CAST: variants seen among roughly 807,000 people sequenced by gnomAD.
CAST encodes the protein MIR583 host.
CAST carries 76 observed loss-of-function variants against 119.6 expected under a neutral mutation model. The ratio of observed to expected loss-of-function variants is 0.64; its 90% CI spans 0.53 to 0.77. The LOEUF (loss-of-function observed/expected upper bound fraction) is 0.77, where lower values mean the gene tolerates loss of function less well. CAST is among the 30% of genes least tolerant of loss of function. The probability of loss-of-function intolerance (pLI) is 0.00; values close to 1 mark genes in which losing one functional copy is unlikely to be tolerated. For missense variants in CAST, 953 were observed against 946.5 expected (o/e 1.01, Z -0.09); for synonymous variants, 319 against 331.6 (o/e 0.96, Z 0.41).
At chr5:96,656,962 C>G (rs1244622965) in intron 1 of CAST, among the ~76,000 whole-genome samples, 1 of 151,848 alleles carries the variant, frequency 6.6e-6, no homozygotes, top group Non-Finnish European at 1.5e-5. Context: ...AACACTGTGG[C>G]TTGCAGGCAA....
chr5:96,525,922 C>CTAGTGATAGTGT (rs1745591554), upstream of CAST, among the ~76,000 whole-genome samples: 1 of 152,166 alleles, frequency 6.6e-6, no homozygotes, highest in African/African-American at 2.4e-5. Context: ...ATAGTTCCTT[C>CTAGTGATAGTGT]CAGAGGGAAC....
At chr5:96,679,248 T>C (rs1343929359) in intron 2 of CAST, 1 of 152,200 alleles carries the variant, frequency 6.6e-6, no homozygotes, top group East Asian at 1.9e-4. Flanking sequence ...GTAAGGTAAG[T>C]GTCTGAGAGA....
chr5:96,240,876 C>A, the CAST span, among the ~76,000 whole-genome samples: 1 of 150,220 alleles, frequency 6.7e-6, no homozygotes, highest in Non-Finnish European at 1.5e-5. Context: ...GGATTGAAAA[C>A]CATATAAATG....
chr5:96,737,820 C>T (rs1260846886), intron 10 of CAST, 29 bp from the exon 11 acceptor site: 2 of 1,269,412 alleles, frequency 1.6e-6, no homozygotes, highest in Admixed American at 1.9e-5. Context: ...TAACAAATAA[C>T]ATTTAAATAT....
chr5:95,981,430 A>G, the CAST span, among the ~76,000 whole-genome samples: 3 of 152,200 alleles, frequency 2.0e-5, no homozygotes, highest in Non-Finnish European at 4.4e-5. Context: ...TTGTATAACA[A>G]TGCTTCTAAA....
chr5:96,773,501 T>C lies in CAST; in HGVS notation c.*885T>C, dbSNP rs17402704. ...ATAAAACCTGAGCAGCAACTGTGTC[T>C]TTAGAGCTATTGCCACATTAGCCTT... On this transcript the variant is annotated 3_prime_UTR_variant, in exon 32 of 32. Coordinates refer to ENST00000675179, the MANE Select transcript of CAST (RefSeq NM_001750.7). 13,782 of 152,374 alleles carry C rather than the reference T, an allele frequency of 0.09. 819 individuals are homozygous for C. The highest frequency in any genetic ancestry group is 0.16 in the Middle Eastern group (47 of 294). The allele number at this position is 152,374 out of a possible 1,614,324, so 9.4% of individuals were successfully genotyped here.
chr5:96,160,881 G>A, the CAST span, among the ~76,000 whole-genome samples: 1 of 152,144 alleles, frequency 6.6e-6, no homozygotes, highest in African/African-American at 2.4e-5. Context: ...CATTTTGTAT[G>A]TGCTTATTGG....
the CAST span, among the ~76,000 whole-genome samples, chr5:96,118,058 T>A: frequency 6.6e-6 from 1 of 152,228 alleles, no homozygotes; most frequent in East Asian, 1.9e-4. Context: ...ATACGTTTGC[T>A]GTAGTTGGAA....
At chr5:96,215,903 G>A in the CAST span, among the ~76,000 whole-genome samples, 8 of 152,226 alleles carry the variant, frequency 5.3e-5, no homozygotes, top group South Asian at 1.5e-3. Context: ...TGCCTCTCGG[G>A]TACAAGTGAT....
chr5:96,180,226 C>T, the CAST span, among the ~76,000 whole-genome samples: 2 of 152,138 alleles, frequency 1.3e-5, no homozygotes, highest in African/African-American at 4.8e-5. Flanking sequence ...ATCTTATACA[C>T]TTACATTTAA....
the CAST span, among the ~76,000 whole-genome samples, chr5:96,166,250 T>G: frequency 6.6e-6 from 1 of 152,250 alleles, no homozygotes; most frequent in African/African-American, 2.4e-5. Context: ...AAGTAGGTAG[T>G]ACCTTTATTT....
the CAST span, among the ~76,000 whole-genome samples, chr5:96,500,566 C>T: frequency 6.6e-6 from 1 of 152,126 alleles, no homozygotes; most frequent in Non-Finnish European, 1.5e-5. Context: ...TCTTCAAGCT[C>T]GTTCCCTTAT....
At chr5:96,158,761 G>C in the CAST span, among the ~76,000 whole-genome samples, 2 of 152,198 alleles carry the variant, frequency 1.3e-5, no homozygotes, top group Non-Finnish European at 2.9e-5. Context: ...AACACAAGGG[G>C]AGATTTCCCA....
the CAST span, among the ~76,000 whole-genome samples, chr5:96,464,534 G>A: frequency 1.3e-5 from 2 of 152,062 alleles, no homozygotes; most frequent in Admixed American, 1.3e-4. Context: ...AGGTCAAGGA[G>A]CATTTAGCCA....
the CAST span, among the ~76,000 whole-genome samples, chr5:96,173,988 C>A: frequency 1.3e-5 from 2 of 152,236 alleles, no homozygotes; most frequent in South Asian, 4.1e-4. Context: ...GTGATCCTCC[C>A]GCCTTAGACT....
At chr5:96,084,878 G>T in the CAST span, among the ~76,000 whole-genome samples, 1 of 152,182 alleles carries the variant, frequency 6.6e-6, no homozygotes, top group Non-Finnish European at 1.5e-5. Flanking sequence ...GCTATTCCCA[G>T]AAGAAGGAAG....
intron 28 of CAST, among the ~76,000 whole-genome samples, chr5:96,767,687 A>G (rs1770488724): frequency 1.3e-5 from 2 of 152,240 alleles, no homozygotes. Flanking sequence ...TGAGGCTCAG[A>G]GAATGCTAAG....
chr5:96,125,140 C>G, the CAST span, among the ~76,000 whole-genome samples: 1 of 152,192 alleles, frequency 6.6e-6, no homozygotes. Context: ...GTAGATTATT[C>G]TAAGCCTGTT....
chr5:96,169,047 G>A, the CAST span, among the ~76,000 whole-genome samples: 17 of 152,266 alleles, frequency 1.1e-4, no homozygotes, highest in South Asian at 1.5e-3. Context: ...GCGCGGTCCC[G>A]GCTCTTGTGT....
Sources: allele counts gnomAD v4.1 joint callset (sites outside exome capture counted in the v4.1 genomes callset), GRCh38; gene constraint gnomAD v4.1.1; transcripts MANE v1.5; gene names NCBI Gene and HGNC (gene_info 2026-07-23, HGNC 2026-07-21).